SCHIP1: variants seen among roughly 807,000 people sequenced by gnomAD.
SCHIP1 encodes schwannomin-interacting protein 1.
A neutral mutation model predicts 29.7 loss-of-function variants in SCHIP1; 8 were observed. The observed-to-expected ratio is 0.27, with a 90% CI of 0.16 to 0.49. The LOEUF (loss-of-function observed/expected upper bound fraction) is 0.49. Ranked by LOEUF, SCHIP1 falls within the 20% of genes least tolerant of loss-of-function variation. The pLI, the probability that SCHIP1 is intolerant of heterozygous loss-of-function variation, is 0.99. For synonymous variants in SCHIP1, 76 were observed against 94.9 expected (o/e 0.80, Z 1.16); for missense variants, 193 against 294.6 (o/e 0.66, Z 2.52).
chr3:159,836,812 G>A (rs1743709297), upstream of SCHIP1, among the ~76,000 whole-genome samples: 1 of 152,188 alleles, frequency 6.6e-6, no homozygotes, highest in Non-Finnish European at 1.5e-5. Context: ...AAATGTTACT[G>A]CAGTTTGGTA....
At chr3:159,552,480 T>G in the SCHIP1 span, among the ~76,000 whole-genome samples, 4 of 152,190 alleles carry the variant, frequency 2.6e-5, no homozygotes, top group African/African-American at 9.7e-5. Context: ...TTTCCAAGCC[T>G]GAATCTAAAG....
At chr3:159,506,674 T>C in the SCHIP1 span, among the ~76,000 whole-genome samples, 36 of 152,322 alleles carry the variant, frequency 2.4e-4, 1 homozygote, top group Non-Finnish European at 2.9e-5. Flanking sequence ...CAGTTTCAGC[T>C]TTCTACATAT....
the SCHIP1 span, among the ~76,000 whole-genome samples, chr3:159,458,816 A>G: frequency 6.6e-6 from 1 of 152,210 alleles, no homozygotes; most frequent in African/African-American, 2.4e-5. Context: ...AGAGAAAACT[A>G]AAAGTATTCT....
chr3:159,888,783 T>C (rs757383064), intron 4 of SCHIP1, 37 bp from the exon 6 acceptor site: 4 of 1,610,688 alleles, frequency 2.5e-6, no homozygotes, highest in Non-Finnish European at 3.4e-6. Context: ...TTTGTGGCTC[T>C]GTTCACTCCT....
the SCHIP1 span, among the ~76,000 whole-genome samples, chr3:159,534,715 A>C: frequency 1.4e-4 from 22 of 152,302 alleles, no homozygotes; most frequent in African/African-American, 5.1e-4. Context: ...TTTCACTGTA[A>C]GCCACAAAGG....
At chr3:159,565,516 A>G in the SCHIP1 span, among the ~76,000 whole-genome samples, 5 of 152,166 alleles carry the variant, frequency 3.3e-5, no homozygotes, top group East Asian at 9.7e-4. Context: ...CAGCATGTCA[A>G]TTCTGTTTTT....
At chr3:159,358,541 G>A in the SCHIP1 span, among the ~76,000 whole-genome samples, 7,444 of 152,224 alleles carry the variant, frequency 0.049, 634 homozygotes, top group African/African-American at 0.17. Flanking sequence ...GCAGGGGCTG[G>A]TGGGAAAGCC....
chr3:159,509,214 A>G, the SCHIP1 span, among the ~76,000 whole-genome samples: 1 of 152,142 alleles, frequency 6.6e-6, no homozygotes, highest in Non-Finnish European at 1.5e-5. Flanking sequence ...TCCCTTTACC[A>G]TTATGTAATG....
the SCHIP1 span, among the ~76,000 whole-genome samples, chr3:159,673,309 C>T: frequency 6.6e-6 from 1 of 152,252 alleles, no homozygotes; most frequent in African/African-American, 2.4e-5. Flanking sequence ...TGGCCCTGCT[C>T]TGGAGTTACT....
the SCHIP1 span, among the ~76,000 whole-genome samples, chr3:159,481,440 T>C: frequency 1.3e-5 from 2 of 152,222 alleles, no homozygotes; most frequent in African/African-American, 4.8e-5. Context: ...AAATACAAGA[T>C]GTCCAGTTGA....
At chr3:159,493,309 A>T in the SCHIP1 span, among the ~76,000 whole-genome samples, 1 of 152,362 alleles carries the variant, frequency 6.6e-6, no homozygotes, top group South Asian at 2.1e-4. Flanking sequence ...ATACTGGCAA[A>T]TTGGATAAAG....
chr3:159,768,361 T>C, the SCHIP1 span: 1 of 152,180 alleles, frequency 6.6e-6, no homozygotes, highest in Non-Finnish European at 1.5e-5. Flanking sequence ...TGACATACTA[T>C]TGGGTTCTGC....
At chr3:159,862,739 C>T (rs1403263994) in intron 1 of SCHIP1, among the ~76,000 whole-genome samples, 2 of 152,154 alleles carry the variant, frequency 1.3e-5, no homozygotes, top group African/African-American at 4.8e-5. Flanking sequence ...TCACTAAAAA[C>T]ATTTAAATAT....
chr3:159,296,652 T>A, the SCHIP1 span, among the ~76,000 whole-genome samples: 9 of 152,216 alleles, frequency 5.9e-5, 1 homozygote, highest in African/African-American at 2.2e-4. Context: ...GGGGGATACC[T>A]GTAATCCCAG....
the SCHIP1 span, among the ~76,000 whole-genome samples, chr3:159,630,316 C>T: frequency 6.6e-6 from 1 of 151,850 alleles, no homozygotes; most frequent in Non-Finnish European, 1.5e-5. Context: ...TTTTTTAAAA[C>T]TATGTAAAAA....
the SCHIP1 span, among the ~76,000 whole-genome samples, chr3:159,699,784 T>C: frequency 2.6e-5 from 4 of 152,014 alleles, no homozygotes; most frequent in African/African-American, 9.7e-5. Context: ...CATAAGAAAA[T>C]AGAGTGAGAA....
chr3:159,764,680 G>A, the SCHIP1 span: 148 of 1,585,118 alleles, frequency 9.3e-5, no homozygotes, highest in East Asian at 3.3e-3. This position sits in a 1 kb window ranked among gnomAD's most constrained non-coding sequence, Gnocchi z 6.1. Flanking sequence ...CGGGGAGGAG[G>A]AGGAAGAGGA....
chr3:159,344,302 C>A, the SCHIP1 span, among the ~76,000 whole-genome samples: 9 of 125,392 alleles, frequency 7.2e-5, no homozygotes, highest in Admixed American at 2.7e-4. Flanking sequence ...GCCAGGGCGA[C>A]AATAGGGAAA....
the SCHIP1 span, among the ~76,000 whole-genome samples, chr3:159,345,096 T>C: frequency 6.6e-6 from 1 of 151,292 alleles, no homozygotes. Flanking sequence ...GGCGTGGTGG[T>C]GGGTGCCTGT....
Sources: allele counts gnomAD v4.1 joint callset (sites outside exome capture counted in the v4.1 genomes callset), GRCh38; gene constraint gnomAD v4.1.1; non-coding constraint Gnocchi (gnomAD v3.1); transcripts MANE v1.5; gene names NCBI Gene and HGNC (gene_info 2026-07-23, HGNC 2026-07-21).